SRSF11: variants seen among roughly 807,000 people sequenced by gnomAD.
The protein encoded by SRSF11 is serine/arginine-rich splicing factor 11.
Under a neutral mutation model 56.0 loss-of-function variants are expected in SRSF11, and 9 were observed. The observed-to-expected ratio is 0.16, with a 90% CI of 0.10 to 0.28. The LOEUF is 0.28. SRSF11 is among the 10% of genes least tolerant of loss of function. The pLI, the probability that SRSF11 is intolerant of heterozygous loss-of-function variation, is 1.00. For missense variants in SRSF11, 421 were observed against 600.7 expected (o/e 0.70, Z 3.13); for synonymous variants, 222 against 215.3 (o/e 1.03, Z -0.27).
chr1:70,208,490 C>T (rs985023701), intron 1 of SRSF11, among the ~76,000 whole-genome samples: 7 of 152,172 alleles, frequency 4.6e-5, no homozygotes, highest in East Asian at 1.9e-4. Flanking sequence ...CGCACCACCA[C>T]ACCCAGCTAA....
chr1:70,218,005 T>C (rs1670172956), upstream of SRSF11, among the ~76,000 whole-genome samples: 1 of 152,180 alleles, frequency 6.6e-6, no homozygotes, highest in African/African-American at 2.4e-5. Flanking sequence ...TTTTTTGTTT[T>C]TTGAGACGGA....
chr1:70,236,795 T>A (rs1418759573), intron 5 of SRSF11, among the ~76,000 whole-genome samples: 2 of 131,794 alleles, frequency 1.5e-5, no homozygotes, highest in African/African-American at 5.7e-5. Context: ...GTCATAAATT[T>A]TTTTTTTTTT....
chr1:70,221,300 A>G (rs961143764), upstream of SRSF11: 1 of 310,624 alleles, frequency 3.2e-6, no homozygotes, highest in Non-Finnish European at 5.9e-6. Context: ...GCTGCAGGCG[A>G]CGGCTGCTGG....
intron 1 of SRSF11, chr1:70,205,906 T>C (rs1192385253): frequency 6.0e-6 from 1 of 167,940 alleles, no homozygotes; most frequent in Non-Finnish European, 1.3e-5. Context: ...CCCTCTCTTC[T>C]CCCCTCTCCT....
In SRSF11 at chr1:70,250,434, C is replaced by CAAG; in HGVS notation, c.1199_1201dup (p.Lys400dup). On this transcript the variant is annotated inframe_insertion, in exon 11 of 12. Transcript: ENST00000370949. ...GGGATGAAAGAGAACGATCAACAAG[C>CAAG]AAGAAGAAGAAGAGTAAAGATAAGG... 1.9e-6 allele frequency: 3 copies of CAAG among 1,589,950 alleles called. No individual in the cohort carries two copies. The highest frequency in any genetic ancestry group is 2.6e-6 in the Non-Finnish European group (3 of 1,158,494).
chr1:70,207,079 A>G (rs1329935713), intron 1 of SRSF11, among the ~76,000 whole-genome samples: 1 of 151,646 alleles, frequency 6.6e-6, no homozygotes, highest in East Asian at 1.9e-4. Flanking sequence ...TTTAGTAGAG[A>G]CGGAGTTTCG....
In SRSF11 at chr1:70,206,717, A is replaced by G. The variant is rs115060738; in HGVS notation, c.-26+937A>G. Among the ~76,000 whole-genome samples, 366 of 152,222 alleles carry G rather than the reference A, an allele frequency of 2.4e-3. 2 individuals carry two copies. Among genetic ancestry groups the G allele is most frequent in the African/African-American group, 8.3e-3 (343 of 41,534 alleles). ...AGCTAGGATGAAGGCCCTTTGATCA[A>G]TTCTTCATCACGCACTTTTACCTGA... On this transcript the variant is annotated intron_variant, in intron 1 of 12. Transcript: ENST00000370950.
chr1:70,235,568 G>A lies in SRSF11; in HGVS notation c.590+18G>A, dbSNP rs371380772. ...GATCCCAAGTAAGCGTTTTTTCTTT[G>A]TTTTCATTGGTGATGTGGTATCTGA... On this transcript the variant is annotated intron_variant, in intron 5 of 11. Transcript: ENST00000370949. 5 of 1,607,314 alleles carry A rather than the reference G, an allele frequency of 3.1e-6. No homozygotes were observed. Among genetic ancestry groups the A allele is most frequent in the Non-Finnish European group, 4.2e-6 (5 of 1,178,108 alleles).
chr1:70,233,998 T>G (rs1343935789), intron 3 of SRSF11, among the ~76,000 whole-genome samples: 1 of 152,234 alleles, frequency 6.6e-6, no homozygotes, highest in African/African-American at 2.4e-5. Flanking sequence ...AGGGGACTCC[T>G]CTTTCCCCAT....
At chr1:70,240,689 AT>A (rs1675156876) in intron 7 of SRSF11, among the ~76,000 whole-genome samples, 2 of 151,756 alleles carry the variant, frequency 1.3e-5, no homozygotes, top group Non-Finnish European at 2.9e-5. Context: ...TAGGATTGAC[AT>A]TCAGAACTAG....
At chr1:70,217,234 C>G (rs1670092011), upstream of SRSF11, among the ~76,000 whole-genome samples, 1 of 152,134 alleles carries the variant, frequency 6.6e-6, no homozygotes, top group Admixed American at 6.5e-5. Flanking sequence ...TCTCAGCTCA[C>G]TGCAACCTCC....
At chr1:70,220,807 GC>G (rs1670467793), upstream of SRSF11, 1 of 152,128 alleles carries the variant, frequency 6.6e-6, no homozygotes, top group South Asian at 2.1e-4. Flanking sequence ...CCAAGATGGT[GC>G]CACTGCACTC....
chr1:70,244,396 G>T (rs1676260397), intron 7 of SRSF11, among the ~76,000 whole-genome samples: 1 of 152,116 alleles, frequency 6.6e-6, no homozygotes, highest in African/African-American at 2.4e-5. Context: ...TCATGATCTA[G>T]TAGTATTTTT....
upstream of SRSF11, chr1:70,221,276 C>G (rs952327426): frequency 7.3e-6 from 2 of 275,740 alleles, no homozygotes; most frequent in African/African-American, 2.2e-5. Context: ...ACCCCGGTGC[C>G]TCTCATTTCT....
intron 1 of SRSF11, among the ~76,000 whole-genome samples, chr1:70,224,943 A>G (rs1298815774): frequency 6.6e-6 from 1 of 152,176 alleles, no homozygotes; most frequent in Non-Finnish European, 1.5e-5. Flanking sequence ...GAGGAAAAAA[A>G]TGTTTTTGAC....
intron 3 of SRSF11, among the ~76,000 whole-genome samples, chr1:70,232,821 A>G (rs547855651): frequency 6.6e-6 from 1 of 152,008 alleles, no homozygotes; most frequent in African/African-American, 2.4e-5. Context: ...GCAATTCTTG[A>G]TGGAGATGTT....
intron 1 of SRSF11, among the ~76,000 whole-genome samples, chr1:70,224,909 T>C (rs1671438148): frequency 6.6e-6 from 1 of 152,226 alleles, no homozygotes; most frequent in South Asian, 2.1e-4. Flanking sequence ...GCTTTCTAAA[T>C]GTACCTTAAT....
chr1:70,250,154 T>C, intron 10 of SRSF11, 107 bp downstream of exon 10: 1 of 1,271,386 alleles, frequency 7.9e-7, no homozygotes, highest in Non-Finnish European at 1.1e-6. Context: ...CTTAAGAATG[T>C]TTTAATGTAT....
At chr1:70,238,127 C>G (rs1466397653) in intron 6 of SRSF11, among the ~76,000 whole-genome samples, 1 of 151,874 alleles carries the variant, frequency 6.6e-6, no homozygotes, top group Non-Finnish European at 1.5e-5. Context: ...TTTTAATGTG[C>G]CTATTGTTAG....
Sources: gnomAD v4.1 joint callset for allele counts (sites outside exome capture counted in the v4.1 genomes callset) on GRCh38, gnomAD v4.1.1 for gene constraint, MANE v1.5 for transcripts, NCBI Gene and HGNC (gene_info 2026-07-23, HGNC 2026-07-21) for gene names.